Variants in NUBPL observed in about 807,000 individuals in gnomAD.
NUBPL encodes iron-sulfur cluster transfer protein NUBPL.
Under a neutral mutation model 45.7 loss-of-function variants are expected in NUBPL, and 31 were observed. The ratio of observed to expected loss-of-function variants is 0.68; its 90% CI spans 0.51 to 0.92. NUBPL has a LOEUF of 0.92. Among genes scored for constraint, NUBPL ranks in the 40% least tolerant of loss-of-function variants. NUBPL has a pLI of 0.00. For synonymous variants in NUBPL, 144 were observed against 140.9 expected (o/e 1.02, Z -0.15); for missense variants, 401 against 398.7 (o/e 1.01, Z -0.05).
intron 4 of NUBPL, among the ~76,000 whole-genome samples, chr14:31,655,831 T>C (rs2036128323): frequency 6.6e-6 from 1 of 152,164 alleles, no homozygotes; most frequent in African/African-American, 2.4e-5. Flanking sequence ...TTCAAAATGG[T>C]CAGTGAATAT....
intron 6 of NUBPL, among the ~76,000 whole-genome samples, chr14:31,707,316 A>G (rs114399379): frequency 0.014 from 2,189 of 152,356 alleles, 42 homozygotes; most frequent in African/African-American, 0.05. Context: ...AAGACCTTCA[A>G]TTATCAATTG....
chr14:31,648,547 CATGTGTGTA>C lies in NUBPL; in HGVS notation c.383-24807_383-24799del, dbSNP rs1488332458. On this transcript the variant is annotated intron_variant, in intron 4 of 10. Transcript: ENST00000281081. ...AAGTTTTATAGTCGTGGTGATATTA[CATGTGTGTA>C]TTTGTGTTAAAGGTGTTTTGAAACC... Among the ~76,000 whole-genome samples the C allele has an allele frequency of 1.2e-3, 185 of 152,274 alleles. 1 individual carries two copies. The highest frequency in any genetic ancestry group is 4.0e-3 in the African/African-American group (168 of 41,540).
chr14:31,676,233 G>A (rs2036694651), intron 6 of NUBPL, among the ~76,000 whole-genome samples: 1 of 152,000 alleles, frequency 6.6e-6, no homozygotes, highest in South Asian at 2.1e-4. Flanking sequence ...ATGTTGGTTA[G>A]GCTGGTCTTG....
chr14:31,579,392 C>G (rs2033804455), intron 3 of NUBPL, among the ~76,000 whole-genome samples: 1 of 152,176 alleles, frequency 6.6e-6, no homozygotes. Context: ...TGAAGGGTAT[C>G]CCGGCCAAGA....
intron 6 of NUBPL, among the ~76,000 whole-genome samples, chr14:31,718,075 A>G (rs2037728962): frequency 6.6e-6 from 1 of 152,214 alleles, no homozygotes; most frequent in Non-Finnish European, 1.5e-5. Flanking sequence ...TCCAAGAGTC[A>G]CTAACTGGTA....
At chr14:31,621,962 G>A (rs749713854) in intron 4 of NUBPL, among the ~76,000 whole-genome samples, 23 of 152,188 alleles carry the variant, frequency 1.5e-4, no homozygotes, top group Non-Finnish European at 2.9e-4. Flanking sequence ...ATATGGGAAA[G>A]TTTAGAACTT....
chr14:31,602,409 A>AG (rs1331755595), intron 4 of NUBPL, among the ~76,000 whole-genome samples: 1 of 150,818 alleles, frequency 6.6e-6, no homozygotes, highest in Non-Finnish European at 1.5e-5. Flanking sequence ...AAAAAAGAAA[A>AG]AAAAAGCAGA....
At chr14:31,568,069 T>C (rs2033484925) in intron 3 of NUBPL, among the ~76,000 whole-genome samples, 1 of 152,220 alleles carries the variant, frequency 6.6e-6, no homozygotes, top group Non-Finnish European at 1.5e-5. Context: ...AACATATATG[T>C]TTAGGCAACC....
At chr14:31,704,826 G>A (rs933950146) in intron 6 of NUBPL, among the ~76,000 whole-genome samples, 32 of 152,244 alleles carry the variant, frequency 2.1e-4, no homozygotes, top group African/African-American at 2.6e-4. Flanking sequence ...CAGTGTGTCT[G>A]GAATTGGTGG....
At chr14:31,780,319 T>C (rs933549760) in intron 6 of NUBPL, among the ~76,000 whole-genome samples, 14 of 152,130 alleles carry the variant, frequency 9.2e-5, no homozygotes, top group Non-Finnish European at 1.9e-4. Context: ...TCCACCCTCC[T>C]TGGCCTCCCA....
At chr14:31,615,830 T>C (rs1348620461) in intron 4 of NUBPL, among the ~76,000 whole-genome samples, 1 of 152,206 alleles carries the variant, frequency 6.6e-6, no homozygotes, top group Non-Finnish European at 1.5e-5. Flanking sequence ...GATTGCTGGG[T>C]CAAATGCTAT....
At chr14:31,675,068 C>T (rs532706152) in intron 6 of NUBPL, among the ~76,000 whole-genome samples, 6 of 150,150 alleles carry the variant, frequency 4.0e-5, no homozygotes, top group East Asian at 2.0e-4. Flanking sequence ...ACCCGGGAGG[C>T]GGAGCTTGCA....
At chr14:31,613,604 C>T (rs35712231) in intron 4 of NUBPL, among the ~76,000 whole-genome samples, 50,830 of 151,814 alleles carry the variant, frequency 0.33, 10,566 homozygotes, top group Non-Finnish European at 0.46. Context: ...ATTATAGGCA[C>T]GCACCACCAT....
chr14:31,639,915 C>T (rs765401607), intron 4 of NUBPL, among the ~76,000 whole-genome samples: 1 of 152,088 alleles, frequency 6.6e-6, no homozygotes, highest in Non-Finnish European at 1.5e-5. Context: ...TCTCCTGATG[C>T]GCCGTTTTTT....
At chr14:31,717,125 A>C (rs995806664) in intron 6 of NUBPL, among the ~76,000 whole-genome samples, 2 of 152,168 alleles carry the variant, frequency 1.3e-5, no homozygotes, top group African/African-American at 4.8e-5. Flanking sequence ...CTAACCTAGG[A>C]AAAAGGTCCT....
At chr14:31,841,861 G>C (rs1193859300) in intron 8 of NUBPL, among the ~76,000 whole-genome samples, 1 of 138,170 alleles carries the variant, frequency 7.2e-6, no homozygotes, top group Non-Finnish European at 1.5e-5. Flanking sequence ...TTAACATGCA[G>C]TACTATGTTG....
chr14:31,813,550 C>CACAG (rs2039857620), intron 7 of NUBPL, among the ~76,000 whole-genome samples: 2 of 151,788 alleles, frequency 1.3e-5, no homozygotes, highest in Admixed American at 1.3e-4. Context: ...CACACACACA[C>CACAG]ACATACTTTA....
At chr14:31,730,726 A>G (rs970025630) in intron 6 of NUBPL, among the ~76,000 whole-genome samples, 3 of 152,126 alleles carry the variant, frequency 2.0e-5, no homozygotes, top group Non-Finnish European at 4.4e-5. Context: ...TTGGCCTCCC[A>G]AAGTGCTGGG....
chr14:31,666,838 T>C lies in NUBPL; in HGVS notation c.383-6517T>C, dbSNP rs2036442404. On this transcript the variant is annotated intron_variant, in intron 4 of 10. Transcript: ENST00000281081. ...CTTAGTTTGGCCGTATATGAAATTCTGGGTTGAAAATTCTTTTCTTTAAGA... is the reference window on the plus strand; with the variant it reads ...CTTAGTTTGGCCGTATATGAAATTCCGGGTTGAAAATTCTTTTCTTTAAGA... Among the ~76,000 whole-genome samples the C allele has an allele frequency of 2.0e-5, 3 of 152,304 alleles. No homozygotes were observed. The East Asian group carries it at 5.8e-4, about 29-fold the overall frequency.
Sources: allele counts gnomAD v4.1 joint callset (sites outside exome capture counted in the v4.1 genomes callset), GRCh38; gene constraint gnomAD v4.1.1; transcripts MANE v1.5; gene names NCBI Gene and HGNC (gene_info 2026-07-23, HGNC 2026-07-21).